RALGAPA1: variants seen among roughly 807,000 people sequenced by gnomAD.
RALGAPA1 encodes Ral GTPase activating protein catalytic subunit alpha 1, also known as ral GTPase-activating protein subunit alpha-1.
Under a neutral mutation model 269.6 loss-of-function variants are expected in RALGAPA1, and 52 were observed. The observed-to-expected ratio is 0.19, with a 90% CI of 0.15 to 0.24. The LOEUF (loss-of-function observed/expected upper bound fraction) is 0.24. Among genes scored for constraint, RALGAPA1 ranks in the 10% least tolerant of loss-of-function variants. RALGAPA1 has a pLI of 1.00. For synonymous variants in RALGAPA1, 817 were observed against 1,008.3 expected, an observed-to-expected ratio of 0.81 and a Z score of 3.60; for missense variants, 1,917 against 3,013.9, an observed-to-expected ratio of 0.64 and a Z score of 8.52.
In RALGAPA1 at chr14:35,723,262, G is replaced by C. The variant is rs961188862; in HGVS notation, c.1869C>G (p.Thr623=). The part of the protein sequence containing the change: ...AGRLAGPLFQ[T]LIVAWIKANL... ...TTGCTTTGATCCAGGCAACTATAAG[G>C]GTCTATAAAGACAAATATCAGAAAT... Residue 623 remains threonine, a splice_region_variant and synonymous_variant, in exon 15 of 42, where the codon ACC becomes ACG. Transcript: ENST00000680220. The C allele has an allele frequency of 6.5e-7, 1 of 1,535,040 alleles. No individual in the cohort carries two copies. The highest frequency in any genetic ancestry group is 2.3e-5 in the East Asian group (1 of 43,920).
chr14:35,766,165 C>T lies in RALGAPA1; in HGVS notation c.326-3412G>A, dbSNP rs192377515. The T allele has an allele frequency of 6.5e-5, 56 of 867,936 alleles. No individual in the cohort carries two copies. In the Admixed American group the frequency reaches 9.2e-4, roughly 14 times the overall value. The allele number at this position is 867,936 out of a possible 1,614,324, so 53.8% of individuals were successfully genotyped here. ...TACTGTGGGCTTGTTGGTTTCAAAC[C>T]AAACTATGGCTTAGTTTCCCATCAT... On this transcript the variant is annotated intron_variant, in intron 4 of 41. Coordinates refer to ENST00000680220, the MANE Select transcript of RALGAPA1 (RefSeq NM_001346249.2).
At chr14:35,737,153 A>G (rs1400774287) in intron 12 of RALGAPA1, among the ~76,000 whole-genome samples, 1 of 152,174 alleles carries the variant, frequency 6.6e-6, no homozygotes, top group African/African-American at 2.4e-5. Flanking sequence ...AAGATGCTCA[A>G]ATTCAGTACT....
chr14:35,548,466 G>A, intron 41 of RALGAPA1, 42 bp downstream of exon 41: 1 of 1,453,042 alleles, frequency 6.9e-7, no homozygotes, highest in Non-Finnish European at 9.3e-7. Flanking sequence ...AAAAGGAAAT[G>A]GGAGAAGAAC....
intron 16 of RALGAPA1, among the ~76,000 whole-genome samples, chr14:35,717,172 C>T (rs563045061): frequency 2.4e-4 from 36 of 152,134 alleles, no homozygotes; most frequent in African/African-American, 7.2e-4. Flanking sequence ...TTTTTTGAGA[C>T]GGAGTTTCGC....
chr14:35,608,344 A>G (rs147439138), intron 35 of RALGAPA1, among the ~76,000 whole-genome samples: 8 of 152,338 alleles, frequency 5.3e-5, no homozygotes, highest in African/African-American at 1.7e-4. Context: ...AAGACCCCTC[A>G]TTAGCCAGGC....
intron 31 of RALGAPA1, among the ~76,000 whole-genome samples, chr14:35,636,123 CTGGCCTTGAACTCT>C (rs1308640628): frequency 1.3e-5 from 2 of 152,008 alleles, no homozygotes; most frequent in Admixed American, 6.5e-5. Flanking sequence ...ATTGCCCAGG[CTGGCCTTGAACTCT>C]TGGGCTCAGG....
intron 31 of RALGAPA1, among the ~76,000 whole-genome samples, chr14:35,643,011 G>A (rs1209214693): frequency 6.6e-6 from 1 of 152,154 alleles, no homozygotes; most frequent in Admixed American, 6.5e-5. Context: ...CCATAAAAAG[G>A]ATGAGTTCAT....
chr14:35,683,600 C>A, intron 21 of RALGAPA1: 1 of 438,430 alleles, frequency 2.3e-6, no homozygotes, highest in Non-Finnish European at 4.1e-6. Context: ...TAAAATACTA[C>A]AAGTTCACAG....
intron 9 of RALGAPA1, 84 bp from the exon 10 acceptor site, chr14:35,748,908 G>A (rs1296055645): frequency 7.0e-7 from 1 of 1,423,196 alleles, no homozygotes; most frequent in South Asian, 1.6e-5. Context: ...AGGTAATACT[G>A]ACAAAATCCA....
chr14:35,672,893 G>A lies in RALGAPA1; in HGVS notation c.5047C>T (p.His1683Tyr). The stretch of plus-strand genomic sequence containing the variant: ...TGGTCAATATGAAGTAATCCACAAT[G>A]CATTATATTGTAGAAATGTGTTAGA... ...DFLTHFYNIM[H>Y]CGLLHIDQDI... is the part of the protein sequence containing the mutation. Residue 1683 changes from histidine (H) to tyrosine (Y), a missense_variant, in exon 25 of 42, where the codon CAT becomes TAT. Physicochemically the swap from His to Tyr is moderately conservative, Grantham distance 83. This residue lies in a region of RALGAPA1 where 346 missense variants were observed against 566.1 expected (regional missense o/e 0.61). Transcript: ENST00000680220. 2 of 1,557,356 alleles carry A rather than the reference G, an allele frequency of 1.3e-6. No homozygotes were observed. Among genetic ancestry groups the A allele is most frequent in the Non-Finnish European group, 1.7e-6 (2 of 1,151,556 alleles).
intron 33 of RALGAPA1, among the ~76,000 whole-genome samples, chr14:35,634,083 T>A (rs890722035): frequency 1.4e-4 from 21 of 152,270 alleles, no homozygotes; most frequent in African/African-American, 5.1e-4. Flanking sequence ...ATATTTTTTA[T>A]TCTATATAAA....
At chr14:35,739,970 A>C (rs929793186) in intron 11 of RALGAPA1, among the ~76,000 whole-genome samples, 2 of 152,156 alleles carry the variant, frequency 1.3e-5, no homozygotes, top group Non-Finnish European at 2.9e-5. Flanking sequence ...TGTCTATCTC[A>C]TATTTCCTGC....
Position 35,688,644 on chromosome 14 carries a change from C to G in RALGAPA1, c.3767G>C (p.Arg1256Thr), listed in dbSNP as rs962012343. ...SSQLGSRSTL[R>T]SSSHEAGLQQ... Reference sequence around the variant, plus strand: ...TAGTCCTGCCTCATGACTTGATGACCTAAGAGTACTACGACTACCTAATTG... The same window carrying G: ...TAGTCCTGCCTCATGACTTGATGACGTAAGAGTACTACGACTACCTAATTG... Residue 1256 changes from arginine (R) to threonine (T), a missense_variant, in exon 18 of 42, where the codon AGG (arginine) becomes ACG (threonine). Transcript: ENST00000680220. The G allele has an allele frequency of 1.2e-5, 19 of 1,529,116 alleles. No individual in the cohort carries two copies. The East Asian group carries it at 4.6e-4, about 37-fold the overall frequency. The allele number at this position is 1,529,116 out of a possible 1,614,324, so 94.7% of individuals were successfully genotyped here. A position where few individuals can be genotyped will look rare whatever the true frequency, so the allele number is the denominator to read the frequency against.
intron 1 of RALGAPA1, among the ~76,000 whole-genome samples, chr14:35,777,479 A>C (rs1450652744): frequency 2.6e-5 from 4 of 152,194 alleles, no homozygotes; most frequent in African/African-American, 9.6e-5. Context: ...GAGTGGAGAA[A>C]TTCTACTTTA....
At chr14:35,658,384 G>C (rs1033441257) in intron 28 of RALGAPA1, among the ~76,000 whole-genome samples, 4 of 152,122 alleles carry the variant, frequency 2.6e-5, no homozygotes, top group African/African-American at 9.7e-5. Flanking sequence ...TGTAACTTTT[G>C]AACTTTGGGT....
intron 4 of RALGAPA1, among the ~76,000 whole-genome samples, chr14:35,765,471 TTG>T (rs1342325150): frequency 1.3e-5 from 2 of 151,960 alleles, no homozygotes; most frequent in Non-Finnish European, 2.9e-5. Flanking sequence ...TTGATAAATA[TTG>T]TGTGATATTG....
chr14:35,549,049 C>T, intron 40 of RALGAPA1, 61 bp downstream of exon 40: 4 of 1,555,010 alleles, frequency 2.6e-6, no homozygotes, highest in Non-Finnish European at 3.5e-6. Flanking sequence ...GTTTTTAGAA[C>T]AAAAGGGTAC....
intron 39 of RALGAPA1, among the ~76,000 whole-genome samples, chr14:35,567,816 T>C (rs2056834552): frequency 6.6e-6 from 1 of 152,152 alleles, no homozygotes; most frequent in African/African-American, 2.4e-5. Flanking sequence ...GAGTTTTGCA[T>C]TACAATCTAA....
intron 39 of RALGAPA1, among the ~76,000 whole-genome samples, chr14:35,559,999 A>G (rs2056041170): frequency 6.6e-6 from 1 of 152,254 alleles, no homozygotes; most frequent in African/African-American, 2.4e-5. Context: ...CATTGAGAAA[A>G]TGCAATACTG....
Sources: allele counts gnomAD v4.1 joint callset (sites outside exome capture counted in the v4.1 genomes callset), GRCh38; gene constraint gnomAD v4.1.1; regional missense constraint gnomAD v4.1.1; transcripts MANE v1.5; gene names NCBI Gene and HGNC (gene_info 2026-07-23, HGNC 2026-07-21).